SHISA7: variants seen among roughly 807,000 people sequenced by gnomAD.
SHISA7 encodes shisa family member 7.
SHISA7 carries 6 observed loss-of-function variants against 23.9 expected under a neutral mutation model. The observed-to-expected ratio is 0.25, with a 90% CI of 0.14 to 0.50. SHISA7 has a LOEUF of 0.50. Among genes scored for constraint, SHISA7 ranks in the 20% least tolerant of loss-of-function variants. The pLI is 0.98. For synonymous variants in SHISA7, 386 were observed against 398.3 expected (o/e 0.97, Z 0.37); for missense variants, 671 against 801.1 (o/e 0.84, Z 1.96).
intron 2 of SHISA7, among the ~76,000 whole-genome samples, chr19:55,438,336 T>C (rs986874060): frequency 2.0e-5 from 3 of 152,218 alleles, no homozygotes; most frequent in Admixed American, 1.3e-4. Flanking sequence ...ACTGAGTGCC[T>C]GGCCCCAGGC....
chr19:55,433,128 C>T lies in SHISA7; in HGVS notation c.*28G>A, dbSNP rs943718404. On this transcript the variant is annotated 3_prime_UTR_variant, in exon 4 of 4. Transcript: ENST00000376325. This position sits in a 1 kb window ranked among gnomAD's most constrained non-coding sequence, Gnocchi z 8.4. ...AGGCTGGGACGGGGGGCCCGGGAGG[C>T]CGCAGCCCCCCAGACCCGGCCCTGG... 3 of 1,503,958 alleles carry T rather than the reference C, an allele frequency of 2.0e-6. No homozygotes were observed. Among genetic ancestry groups the T allele is most frequent in the East Asian group, 2.7e-5 (1 of 36,460 alleles). The allele number at this position is 1,503,958 out of a possible 1,614,324, so 93.2% of individuals were successfully genotyped here.
chr19:55,436,603 CA>C (rs35561645), intron 3 of SHISA7, among the ~76,000 whole-genome samples: 6,895 of 114,490 alleles, frequency 0.06, 192 homozygotes, highest in African/African-American at 0.1. Context: ...GACTCTGTCT[CA>C]AAAAAAAAAA....
intron 2 of SHISA7, among the ~76,000 whole-genome samples, chr19:55,438,880 C>CA (rs1568452398): frequency 1.3e-5 from 2 of 151,962 alleles, no homozygotes; most frequent in African/African-American, 4.8e-5. Context: ...ACCCCCCCCC[C>CA]TGGTGCCCAG....
At chr19:55,439,139 G>A (rs573584683) in intron 2 of SHISA7, among the ~76,000 whole-genome samples, 6 of 152,292 alleles carry the variant, frequency 3.9e-5, no homozygotes, top group African/African-American at 1.4e-4. Flanking sequence ...CAGGAATGGT[G>A]TTTGAGGCTT....
At chr19:55,441,628 G>A (rs577152796) in intron 1 of SHISA7, among the ~76,000 whole-genome samples, 1 of 152,272 alleles carries the variant, frequency 6.6e-6, no homozygotes, top group East Asian at 1.9e-4. Context: ...AACACTTTCC[G>A]CTGATTTTCT....
intron 2 of SHISA7, 34 bp downstream of exon 2, chr19:55,440,577 A>G: frequency 8.0e-7 from 1 of 1,249,286 alleles, no homozygotes. Flanking sequence ...GTGGCCAGAG[A>G]CGGAGGCTGC....
intron 3 of SHISA7, among the ~76,000 whole-genome samples, chr19:55,434,958 T>TA: frequency 8.6e-6 from 1 of 116,928 alleles, no homozygotes; most frequent in Non-Finnish European, 1.8e-5. Context: ...GTGTGGTGTG[T>TA]GGGTGTGTGT....
chr19:55,437,846 A>G, intron 2 of SHISA7, 92 bp from the exon 3 acceptor site: 1 of 1,408,592 alleles, frequency 7.1e-7, no homozygotes, highest in Non-Finnish European at 9.3e-7. Context: ...CAGACCCAGG[A>G]GTCCAGAAAC....
In SHISA7 at chr19:55,436,965, TTAAGA is replaced by T. The variant is rs140413768; in HGVS notation, c.976+635_976+639del. 6.4e-4 allele frequency among the ~76,000 whole-genome samples: 98 copies of T among 152,260 alleles called. No individual in the cohort carries two copies. In the East Asian group the frequency reaches 0.018, roughly 28 times the overall value. ...AGTGTTTCCTAGTGAAGCTCTCAGT[TTAAGA>T]TGTTTGAAGGCTGCTCCACTGTCAG... On this transcript the variant is annotated intron_variant, in intron 3 of 3. Transcript: ENST00000376325.
chr19:55,435,597 A>C (rs1599872990), intron 3 of SHISA7, among the ~76,000 whole-genome samples: 1 of 145,836 alleles, frequency 6.9e-6, no homozygotes, highest in Admixed American at 6.9e-5. Context: ...TACAAAAAAA[A>C]AAAAAAAAAA....
Position 55,433,642 on chromosome 19 carries a change from C to T in SHISA7, c.1131G>A (p.Ala377=). 1.3e-6 allele frequency: 2 copies of T among 1,489,656 alleles called. No individual in the cohort carries two copies. Among genetic ancestry groups the T allele is most frequent in the South Asian group, 2.5e-5 (2 of 79,370 alleles). The allele number at this position is 1,489,656 out of a possible 1,614,324, so 92.3% of individuals were successfully genotyped here. A position where few individuals can be genotyped will look rare whatever the true frequency, so the allele number is the denominator to read the frequency against. Residue 377 remains alanine (A), a synonymous_variant, in exon 4 of 4, where the codon GCG becomes GCA. Coordinates refer to ENST00000376325, the MANE Select transcript of SHISA7 (RefSeq NM_001145176.2). The surrounding 1 kb of genome is among the most constrained non-coding windows in gnomAD (Gnocchi z 8.4). The part of the protein sequence containing the change: ...GGPEELGLAP[A]PNPRRVMSQE... ...GGGACATGACCCGCCGGGGGTTGGG[C>T]GCGGGCGCCAGGCCCAGCTCCTCTG...
chr19:55,433,026 A>C lies in SHISA7; in HGVS notation c.*130T>G, dbSNP rs985487586. 5.3e-6 allele frequency: 6 copies of C among 1,128,042 alleles called. No individual in the cohort carries two copies. Among genetic ancestry groups the C allele is most frequent in the Non-Finnish European group, 7.1e-6 (6 of 845,576 alleles). The allele number at this position is 1,128,042 out of a possible 1,614,324, so 69.9% of individuals were successfully genotyped here. On this transcript the variant is annotated 3_prime_UTR_variant, in exon 4 of 4. Coordinates refer to ENST00000376325, the MANE Select transcript of SHISA7 (RefSeq NM_001145176.2). The surrounding 1 kb of genome is among the most constrained non-coding windows in gnomAD (Gnocchi z 8.4). ...ATCTTGTCTGCCAGGACATCCCAGA[A>C]GGAGGCTTTCACTCCTGTCCAAGGG...
Position 55,432,835 on chromosome 19 carries a change from C to T in SHISA7, c.*321G>A, listed in dbSNP as rs1568449606. On this transcript the variant is annotated 3_prime_UTR_variant, in exon 4 of 4. Transcript: ENST00000376325. The surrounding 1 kb of genome is among the most constrained non-coding windows in gnomAD (Gnocchi z 4.6). ...CTCCAGCGCTGACCTCACGGGCCGG[C>T]CTCTTCCTCTGTGATGACCTCATGG... The T allele has an allele frequency of 1.6e-5, 5 of 305,690 alleles. No homozygotes were observed. In the East Asian group the frequency reaches 3.9e-4, roughly 24 times the overall value. 18.9% of individuals were successfully genotyped at this position (305,690 alleles called of 1,614,324 possible). A position where few individuals can be genotyped will look rare whatever the true frequency, so the allele number is the denominator to read the frequency against.
intron 2 of SHISA7, among the ~76,000 whole-genome samples, chr19:55,438,876 C>CT (rs1985530216): frequency 7.9e-6 from 1 of 126,784 alleles, no homozygotes; most frequent in Non-Finnish European, 1.6e-5. Context: ...TAGCACCCCC[C>CT]CCCCTGGTGC....
In SHISA7 at chr19:55,433,285, C is replaced by G. The variant is rs1429041261; in HGVS notation, c.1488G>C (p.Gly496=). The change falls in exon 4 of 4, where the codon GGG becomes GGC. Residue 496 remains glycine, a synonymous_variant. Transcript: ENST00000376325. This position sits in a 1 kb window ranked among gnomAD's most constrained non-coding sequence, Gnocchi z 8.4. ...PQPAWMSDAG[G]GGGTLARRPP... is the part of the protein sequence containing the mutation. ...GCCTGCGGGCCAGTGTGCCCCCGCC[C>G]CCGCCGGCGTCGGACATCCAGGCCG... is the stretch of plus-strand genomic sequence containing the variant. 5 of 1,506,198 alleles carry G rather than the reference C, an allele frequency of 3.3e-6. No homozygotes were observed. Among genetic ancestry groups the G allele is most frequent in the African/African-American group, 1.4e-5 (1 of 69,004 alleles). The allele number at this position is 1,506,198 out of a possible 1,614,324, so 93.3% of individuals were successfully genotyped here.
At position 55,433,309 on chromosome 19, in the gene SHISA7, C is replaced by A. The variant is rs1253183843; in HGVS notation, c.1464G>T (p.Pro488=). ...CCCCGCCGGCGTCGGACATCCAGGCCGGCTGCGGCGAGCCGTGCAGGGCGT... is the reference window on the plus strand; with the variant it reads ...CCCCGCCGGCGTCGGACATCCAGGCAGGCTGCGGCGAGCCGTGCAGGGCGT... ...HHHALHGSPQ[P]AWMSDAGGGG... is the part of the protein sequence containing the mutation. The change falls in exon 4 of 4, where the codon CCG becomes CCT. Residue 488 remains proline, a synonymous_variant. Coordinates refer to ENST00000376325, the MANE Select transcript of SHISA7 (RefSeq NM_001145176.2). The surrounding 1 kb of genome is among the most constrained non-coding windows in gnomAD (Gnocchi z 8.4). 1.3e-6 allele frequency: 2 copies of A among 1,487,604 alleles called. No homozygotes were observed. Among genetic ancestry groups the A allele is most frequent in the African/African-American group, 1.5e-5 (1 of 68,388 alleles). The allele number at this position is 1,487,604 out of a possible 1,614,324, so 92.2% of individuals were successfully genotyped here.
Position 55,440,661 on chromosome 19 carries a change from G to A in SHISA7, c.776C>T (p.Pro259Leu), listed in dbSNP as rs1268737592. Residue 259 changes from proline to leucine, a missense_variant, in exon 2 of 4, where the codon CCC (proline) becomes CTC (leucine). Around this residue, in one of 5 missense-constraint regions of SHISA7, gnomAD observed 457 missense variants for 488.3 expected, o/e 0.94. Transcript: ENST00000376325. ...GTAGAGGTTCTTGGGCGTCCTGGGGGGCATGCTGTCGGGACCGCCGATCCC... is the reference window on the plus strand; with the variant it reads ...GTAGAGGTTCTTGGGCGTCCTGGGGAGCATGCTGTCGGGACCGCCGATCCC... The part of the protein sequence containing the change: ...TPGIGGPDSM[P>L]PRTPKNLYNT... 5.6e-6 allele frequency: 7 copies of A among 1,249,708 alleles called. No homozygotes were observed. The South Asian group carries it at 1.2e-4, about 22-fold the overall frequency. 77.4% of individuals were successfully genotyped at this position (1,249,708 alleles called of 1,614,324 possible).
intron 2 of SHISA7, among the ~76,000 whole-genome samples, chr19:55,438,858 C>T (rs1027771885): frequency 2.9e-5 from 3 of 102,674 alleles, no homozygotes; most frequent in Non-Finnish European, 5.8e-5. Flanking sequence ...TGGTCTGTCC[C>T]AAGTTCTTAG....
Position 55,440,684 on chromosome 19 carries a change from C to G in SHISA7, c.753G>C (p.Gly251=), listed in dbSNP as rs1303146815. Residue 251 remains glycine (G), a synonymous_variant, in exon 2 of 4, where the codon GGG becomes GGC. Transcript: ENST00000376325. ...GGGGCATGCTGTCGGGACCGCCGAT[C>G]CCCGGGGTCAGGGAGCTGCTTCGGG... ...DRARSSSLTP[G]IGGPDSMPPR... The G allele has an allele frequency of 8.0e-7, 1 of 1,249,698 alleles. No individual in the cohort carries two copies. The allele number at this position is 1,249,698 out of a possible 1,614,324, so 77.4% of individuals were successfully genotyped here.
Sources: gnomAD v4.1 joint callset for allele counts (sites outside exome capture counted in the v4.1 genomes callset) on GRCh38, gnomAD v4.1.1 for gene constraint, gnomAD v4.1.1 regional missense constraint, Gnocchi (gnomAD v3.1) non-coding constraint, MANE v1.5 for transcripts, NCBI Gene and HGNC (gene_info 2026-07-23, HGNC 2026-07-21) for gene names.